INSL6: variants seen among roughly 807,000 people sequenced by gnomAD.
INSL6 encodes the protein insulin like 6, also known as insulin-like peptide INSL6.
INSL6 carries 16 observed loss-of-function variants against 9.4 expected under a neutral mutation model. The ratio of observed to expected loss-of-function variants is 1.70; its 90% confidence interval spans 1.15 to 2.59. INSL6 has a LOEUF of 2.59. Among genes scored for constraint, INSL6 ranks in the 30% most tolerant of loss-of-function variants. The pLI is 0.00. For missense variants in INSL6, 391 were observed against 257.3 expected (o/e 1.52, Z -3.56); for synonymous variants, 154 against 96.9 (o/e 1.59, Z -3.46).
At chr9:5,019,093 A>T in the INSL6 span, among the ~76,000 whole-genome samples, 1 of 151,988 alleles carries the variant, frequency 6.6e-6, no homozygotes, top group Non-Finnish European at 1.5e-5. Flanking sequence ...TGAATGTCTA[A>T]ATCTCTTGAT....
At chr9:4,994,966 C>T in the INSL6 span, among the ~76,000 whole-genome samples, 1 of 151,898 alleles carries the variant, frequency 6.6e-6, no homozygotes, top group Non-Finnish European at 1.5e-5. Flanking sequence ...GTGACTATAA[C>T]TAAAGATTAA....
the INSL6 span, chr9:5,055,617 A>G: frequency 2.1e-6 from 3 of 1,402,902 alleles, no homozygotes; most frequent in South Asian, 3.8e-5. Flanking sequence ...CTTGTTTTAA[A>G]ATGGCTCTGT....
the INSL6 span, chr9:5,111,197 C>T: frequency 1.5e-5 from 10 of 654,360 alleles, no homozygotes; most frequent in African/African-American, 7.4e-5. Flanking sequence ...TTCCTGGGAC[C>T]GGGACTCGGA....
chr9:5,146,489 G>T (rs1824604234), intron 2 of INSL6, among the ~76,000 whole-genome samples: 1 of 152,330 alleles, frequency 6.6e-6, no homozygotes, highest in East Asian at 1.9e-4. Flanking sequence ...TTGGGGTGGG[G>T]TGCTGGATAG....
chr9:5,004,697 C>A, the INSL6 span, among the ~76,000 whole-genome samples: 12 of 152,028 alleles, frequency 7.9e-5, 1 homozygote, highest in Admixed American at 3.3e-4. Flanking sequence ...TTTTGAGGAA[C>A]CTCCATTCAT....
At chr9:5,137,158 GA>G (rs1182133527) in intron 2 of INSL6, among the ~76,000 whole-genome samples, 1 of 152,094 alleles carries the variant, frequency 6.6e-6, no homozygotes, top group Non-Finnish European at 1.5e-5. Context: ...CTCATGGATA[GA>G]AAGAATCAAT....
downstream of INSL6, among the ~76,000 whole-genome samples, chr9:5,121,453 T>C (rs780058281): frequency 1.3e-5 from 2 of 152,148 alleles, no homozygotes; most frequent in Non-Finnish European, 2.9e-5. Flanking sequence ...CAAAGGAAAA[T>C]ACACTTTTCA....
chr9:5,177,644 C>T (rs1206343756), intron 1 of INSL6, among the ~76,000 whole-genome samples: 1 of 152,208 alleles, frequency 6.6e-6, no homozygotes, highest in Admixed American at 6.5e-5. Flanking sequence ...TTCCACAGCA[C>T]CTCACAAATT....
the INSL6 span, chr9:5,044,272 T>A: frequency 1.6e-6 from 1 of 634,208 alleles, no homozygotes; most frequent in Non-Finnish European, 2.8e-6. Context: ...CACATTTATA[T>A]TTAATACTGT....
chr9:5,027,909 C>A, the INSL6 span, among the ~76,000 whole-genome samples: 1 of 152,188 alleles, frequency 6.6e-6, no homozygotes. Flanking sequence ...ACCACATCTG[C>A]AGTGACTTCC....
the INSL6 span, among the ~76,000 whole-genome samples, chr9:5,116,397 C>T: frequency 8.5e-5 from 13 of 152,168 alleles, no homozygotes; most frequent in African/African-American, 3.1e-4. Flanking sequence ...GAAATGTCGT[C>T]ATGATAAACA....
At chr9:5,035,239 TAATA>T in the INSL6 span, among the ~76,000 whole-genome samples, 22 of 152,282 alleles carry the variant, frequency 1.4e-4, no homozygotes, top group East Asian at 4.1e-3. Flanking sequence ...AGGCAATAAT[TAATA>T]GTTTACCAAC....
the INSL6 span, among the ~76,000 whole-genome samples, chr9:5,073,431 C>A: frequency 1.3e-5 from 2 of 152,124 alleles, no homozygotes; most frequent in African/African-American, 4.8e-5. Context: ...ATGGGTCAAG[C>A]CTGTTTGACT....
At chr9:5,152,091 GA>G (rs1238043685) in intron 2 of INSL6, among the ~76,000 whole-genome samples, 1 of 151,970 alleles carries the variant, frequency 6.6e-6, no homozygotes, top group Non-Finnish European at 1.5e-5. Flanking sequence ...ACGAATGCAT[GA>G]AAAAAATATA....
chr9:5,078,988 A>G, the INSL6 span, among the ~76,000 whole-genome samples: 32 of 152,330 alleles, frequency 2.1e-4, no homozygotes, highest in Non-Finnish European at 2.9e-5. Context: ...GATAATTATA[A>G]CTGAATTTTG....
At chr9:5,030,485 C>T in the INSL6 span, among the ~76,000 whole-genome samples, 1 of 151,884 alleles carries the variant, frequency 6.6e-6, no homozygotes, top group African/African-American at 2.4e-5. Flanking sequence ...CATTTATATA[C>T]ATATATATAT....
chr9:5,115,213 C>T, the INSL6 span, among the ~76,000 whole-genome samples: 38,088 of 151,810 alleles, frequency 0.25, 5,110 homozygotes, highest in South Asian at 0.3. Flanking sequence ...TAAACAAGTT[C>T]ACAAGAAAAA....
the INSL6 span, among the ~76,000 whole-genome samples, chr9:5,001,411 T>C: frequency 1.3e-5 from 2 of 152,308 alleles, no homozygotes; most frequent in South Asian, 4.1e-4. Context: ...TGTTGACTTT[T>C]GTCAAATGCT....
chr9:5,021,271 G>T, the INSL6 span, among the ~76,000 whole-genome samples: 1 of 152,042 alleles, frequency 6.6e-6, no homozygotes, highest in African/African-American at 2.4e-5. Context: ...TTATCTACTC[G>T]CTATTTTGGT....
Sources: gnomAD v4.1 joint callset for allele counts (sites outside exome capture counted in the v4.1 genomes callset) on GRCh38, gnomAD v4.1.1 for gene constraint, MANE v1.5 for transcripts, NCBI Gene and HGNC (gene_info 2026-07-23, HGNC 2026-07-21) for gene names.